NIPBL: variants seen among roughly 807,000 people sequenced by gnomAD.
NIPBL encodes nipped-B-like protein.
NIPBL carries 19 observed loss-of-function variants against 321.8 expected under a neutral mutation model. The ratio of observed to expected loss-of-function variants is 0.06; its 90% CI spans 0.04 to 0.09. The LOEUF (loss-of-function observed/expected upper bound fraction) is 0.09, where lower values mean the gene tolerates loss of function less well. Among genes scored for constraint, NIPBL ranks in the 10% least tolerant of loss-of-function variants. The probability of loss-of-function intolerance (pLI) is 1.00; values close to 1 mark genes in which losing one functional copy is unlikely to be tolerated. For synonymous variants in NIPBL, 1,106 were observed against 1,114.1 expected (o/e 0.99, Z 0.14); for missense variants, 2,210 against 3,327.0 (o/e 0.66, Z 8.26).
At chr5:36,909,499 A>T (rs187665858) in intron 1 of NIPBL, among the ~76,000 whole-genome samples, 69 of 152,264 alleles carry the variant, frequency 4.5e-4, no homozygotes, top group African/African-American at 1.6e-3. Flanking sequence ...CGCATTTGTC[A>T]TTAACTCCAC....
In NIPBL at chr5:37,031,908, T is replaced by C. The variant is rs1580529753; in HGVS notation, c.5863-4471T>C. On this transcript the variant is annotated intron_variant, in intron 32 of 46. Transcript: ENST00000282516. ...TTCTAGGAGAGGTAAAACTAATCTA[T>C]ACTGGAAAAAATCAGAAGAGTGGCT... 3.3e-5 allele frequency among the ~76,000 whole-genome samples: 5 copies of C among 152,278 alleles called. No individual in the cohort carries two copies. In the South Asian group the frequency reaches 1.0e-3, roughly 32 times the overall value.
chr5:36,939,148 G>C (rs1203225037), intron 1 of NIPBL, among the ~76,000 whole-genome samples: 2 of 152,100 alleles, frequency 1.3e-5, no homozygotes, highest in African/African-American at 4.8e-5. Flanking sequence ...GACTACAGGT[G>C]CATACCACCA....
intron 46 of NIPBL, chr5:37,064,209 AT>A (rs1288130694): frequency 2.6e-5 from 36 of 1,398,692 alleles, no homozygotes; most frequent in Non-Finnish European, 3.1e-5. Context: ...TAAAGGGTTA[AT>A]TTTTCTTTGA....
At chr5:36,955,940 G>C (rs1410208664) in intron 3 of NIPBL, among the ~76,000 whole-genome samples, 1 of 151,774 alleles carries the variant, frequency 6.6e-6, no homozygotes, top group African/African-American at 2.4e-5. Context: ...CTATATCCCT[G>C]TCTGGGCGCG....
At chr5:36,993,541 A>G (rs1745784031) in intron 10 of NIPBL, among the ~76,000 whole-genome samples, 1 of 152,188 alleles carries the variant, frequency 6.6e-6, no homozygotes, top group Admixed American at 6.5e-5. Context: ...AAGAACTAGT[A>G]CATATTTTAA....
intron 29 of NIPBL, 30 bp downstream of exon 29, chr5:37,022,420 GA>G: frequency 6.3e-7 from 1 of 1,576,364 alleles, no homozygotes; most frequent in Non-Finnish European, 8.6e-7. Flanking sequence ...AATGATTCGT[GA>G]ATATAATTTT....
At chr5:37,011,589 T>G (rs1580464550) in intron 21 of NIPBL, among the ~76,000 whole-genome samples, 2 of 152,138 alleles carry the variant, frequency 1.3e-5, no homozygotes, top group Admixed American at 1.3e-4. Context: ...AGTCAAATAC[T>G]CTCTGAAAAG....
Position 37,059,083 on chromosome 5 carries a change from G to A in NIPBL, c.7603G>A (p.Glu2535Lys), listed in dbSNP as rs1390707876. 1.9e-6 allele frequency: 3 copies of A among 1,613,986 alleles called. No homozygotes were observed. The highest frequency in any genetic ancestry group is 2.5e-6 in the Non-Finnish European group (3 of 1,180,010). The change falls in exon 44 of 47, where the codon GAA becomes AAA. Residue 2535 changes from glutamate (E) to lysine (K), a missense_variant. Physicochemically the swap from Glu to Lys is moderately conservative, Grantham distance 56. This residue lies in a region of NIPBL where 79 missense variants were observed against 90.8 expected (regional missense o/e 0.87). Transcript: ENST00000282516. ...CLPENSAPLI[E>K]FANVSQGILL... is the part of the protein sequence containing the mutation. ...GCCAGAAAATTCAGCTCCTTTAATC[G>A]AATTTGCAAATGTGTCCCAGGGTAT...
chr5:36,926,742 G>A (rs1036775366), intron 1 of NIPBL, among the ~76,000 whole-genome samples: 4 of 152,078 alleles, frequency 2.6e-5, no homozygotes, highest in Non-Finnish European at 4.4e-5. Flanking sequence ...TGGGTACATA[G>A]TAAGTATATA....
Position 37,036,472 on chromosome 5 carries a change from G to T in NIPBL, c.5956G>T (p.Glu1986Ter). 7.1e-7 allele frequency: 1 copy of T among 1,409,404 alleles called. No individual in the cohort carries two copies. The allele number at this position is 1,409,404 out of a possible 1,614,324, so 87.3% of individuals were successfully genotyped here. Residue 1986 changes from glutamate to a stop codon, truncating the protein, a stop_gained, in exon 33 of 47, where the codon GAG becomes TAG. Transcript: ENST00000282516. LOFTEE classifies it high-confidence loss of function. ...CCTAGTTGAGCACATTCTTAAATAT[G>T]AGGAATCTCTAGCTGGTAAGACATT... Reference protein sequence around the residue: ...DNLVEHILKYEESLADSDNKG... With the variant: ...DNLVEHILKY
intron 40 of NIPBL, among the ~76,000 whole-genome samples, chr5:37,050,224 G>A (rs1185376184): frequency 6.6e-6 from 1 of 151,874 alleles, no homozygotes; most frequent in Non-Finnish European, 1.5e-5. Context: ...CAGCACTTTG[G>A]GAGGCAGAGG....
In NIPBL at chr5:36,976,526, A is replaced by G. The variant is rs930869951; in HGVS notation, c.1495+124A>G. On this transcript the variant is annotated intron_variant, in intron 9 of 46. Coordinates refer to ENST00000282516, the MANE Select transcript of NIPBL (RefSeq NM_133433.4). ...ATAATTTATGTCTACTCAAGTACAT[A>G]TTTTTATTACTAATACTCATAATGC... 10 of 888,670 alleles carry G rather than the reference A, an allele frequency of 1.1e-5. No individual in the cohort carries two copies. In the African/African-American group the frequency reaches 1.5e-4, roughly 14 times the overall value. 55.0% of individuals were successfully genotyped at this position (888,670 alleles called of 1,614,324 possible).
intron 34 of NIPBL, among the ~76,000 whole-genome samples, chr5:37,043,635 T>C (rs1198183602): frequency 2.6e-5 from 4 of 152,186 alleles, no homozygotes; most frequent in African/African-American, 9.7e-5. Flanking sequence ...AGGAGCAGGA[T>C]TGCATTGAGC....
At chr5:36,913,000 A>C (rs1016462855) in intron 1 of NIPBL, among the ~76,000 whole-genome samples, 1 of 152,200 alleles carries the variant, frequency 6.6e-6, no homozygotes, top group Non-Finnish European at 1.5e-5. Flanking sequence ...AGTTTTCAAC[A>C]ATGTGTGTCT....
At chr5:36,899,426 T>C (rs1435160847) in intron 1 of NIPBL, among the ~76,000 whole-genome samples, 1 of 152,230 alleles carries the variant, frequency 6.6e-6, no homozygotes, top group Non-Finnish European at 1.5e-5. Context: ...TTTTATATCA[T>C]TTGCTTTCTT....
rs1456729896 is a variant in NIPBL at position 37,008,731 on chromosome 5, A to C, written c.4421+8A>C. 7.2e-7 allele frequency: 1 copy of C among 1,396,830 alleles called. No individual in the cohort carries two copies. The highest frequency in any genetic ancestry group is 1.0e-6 in the Non-Finnish European group (1 of 982,248). The allele number at this position is 1,396,830 out of a possible 1,614,324, so 86.5% of individuals were successfully genotyped here. ...GAGTTTAAGGAACTTCAGGTAATTA[A>C]TTATAACAGAGGTCAAGTTTAATGA... On this transcript the variant is annotated splice_region_variant and intron_variant, in intron 20 of 46. Transcript: ENST00000282516.
At chr5:36,977,509 T>G (rs1184329266) in intron 9 of NIPBL, among the ~76,000 whole-genome samples, 3 of 151,936 alleles carry the variant, frequency 2.0e-5, no homozygotes, top group Admixed American at 2.0e-4. Flanking sequence ...CTACAATGTT[T>G]GCAACATATG....
Position 37,016,167 on chromosome 5 carries a change from G to T in NIPBL, c.4773G>T (p.Leu1591=), listed in dbSNP as rs587783958. ...TACTCCTTAGTTTGTTAGGGAGACTGTTGGTAAGAGTATAGCATTTAAAGA... is the reference window on the plus strand; with the variant it reads ...TACTCCTTAGTTTGTTAGGGAGACTTTTGGTAAGAGTATAGCATTTAAAGA... ...AELLLSLLGR[L]LVHQFSNKST... is the part of the protein sequence containing the mutation. Residue 1591 remains leucine (L), a synonymous_variant, in exon 23 of 47, where the codon CTG becomes CTT. Coordinates refer to ENST00000282516, the MANE Select transcript of NIPBL (RefSeq NM_133433.4). The T allele has an allele frequency of 1.9e-6, 3 of 1,613,590 alleles. No individual in the cohort carries two copies. The highest frequency in any genetic ancestry group is 2.5e-6 in the Non-Finnish European group (3 of 1,179,628).
chr5:37,039,278 C>T (rs1752061501), intron 34 of NIPBL, among the ~76,000 whole-genome samples: 2 of 150,424 alleles, frequency 1.3e-5, no homozygotes, highest in African/African-American at 4.9e-5. Context: ...TTCATACAGT[C>T]TTTTTTAATT....
Sources: gnomAD v4.1 joint callset for allele counts (sites outside exome capture counted in the v4.1 genomes callset) on GRCh38, gnomAD v4.1.1 for gene constraint, gnomAD v4.1.1 regional missense constraint, MANE v1.5 for transcripts, NCBI Gene and HGNC (gene_info 2026-07-23, HGNC 2026-07-21) for gene names.